Variants in XYLB observed in about 807,000 individuals in gnomAD.
XYLB encodes xylulokinase.
Under a neutral mutation model 78.7 loss-of-function variants are expected in XYLB, and 62 were observed. The observed-to-expected ratio is 0.79, with a 90% CI of 0.64 to 0.97. The LOEUF (loss-of-function observed/expected upper bound fraction) is 0.97, where lower values mean the gene tolerates loss of function less well. Ranked by LOEUF, XYLB falls within the 50% of genes least tolerant of loss-of-function variation. The pLI is 0.00. For synonymous variants in XYLB, 245 were observed against 247.4 expected (o/e 0.99, Z 0.09); for missense variants, 687 against 676.8 (o/e 1.02, Z -0.17).
At chr3:38,418,290 T>C (rs1559627873), downstream of XYLB, among the ~76,000 whole-genome samples, 1 of 152,084 alleles carries the variant, frequency 6.6e-6, no homozygotes, top group Non-Finnish European at 1.5e-5. Context: ...TTAAAATGCT[T>C]ACTGACAAAA....
Position 38,410,065 on chromosome 3 carries a change from C to T in XYLB, c.1534-2871C>T, listed in dbSNP as rs1240899684. ...GTTCATATGGAACCAAAAAAGAGCC[C>T]GCATCGCCAAGTCAATCCTAAGCCA... On this transcript the variant is annotated intron_variant, in intron 18 of 18. Transcript: ENST00000207870. 5.9e-5 allele frequency among the ~76,000 whole-genome samples: 9 copies of T among 152,152 alleles called. No homozygotes were observed. The East Asian group carries it at 9.7e-4, about 16-fold the overall frequency.
intron 10 of XYLB, among the ~76,000 whole-genome samples, chr3:38,373,358 C>G (rs189079080): frequency 4.1e-4 from 62 of 152,182 alleles, no homozygotes; most frequent in Non-Finnish European, 8.8e-4. Context: ...CTTTTTCTAA[C>G]GATCCACCAG....
Position 38,413,140 on chromosome 3 carries a change from G to T in XYLB, c.*127G>T. The T allele has an allele frequency of 1.1e-6, 1 of 909,024 alleles. No homozygotes were observed. Among genetic ancestry groups the T allele is most frequent in the Admixed American group, 3.6e-5 (1 of 27,614 alleles). 56.3% of individuals were successfully genotyped at this position (909,024 alleles called of 1,614,324 possible). A position where few individuals can be genotyped will look rare whatever the true frequency, so the allele number is the denominator to read the frequency against. On this transcript the variant is annotated 3_prime_UTR_variant, in exon 19 of 19. Transcript: ENST00000207870. ...CCTGCCCCTACTGACTCCTTGGAGTGTCCAGGACCATCTTAAAGCCGCCCT... is the reference window on the plus strand; with the variant it reads ...CCTGCCCCTACTGACTCCTTGGAGTTTCCAGGACCATCTTAAAGCCGCCCT...
chr3:38,367,961 G>A (rs1300979408), intron 7 of XYLB, among the ~76,000 whole-genome samples: 1 of 152,094 alleles, frequency 6.6e-6, no homozygotes, highest in East Asian at 1.9e-4. Context: ...CAGTTTTATG[G>A]CCCATCAGAA....
downstream of XYLB, among the ~76,000 whole-genome samples, chr3:38,424,219 A>G (rs1420538546): frequency 6.6e-6 from 1 of 152,208 alleles, no homozygotes; most frequent in Non-Finnish European, 1.5e-5. Context: ...TTGTTGTTCA[A>G]GAGCAAGATC....
intron 12 of XYLB, 44 bp from the exon 13 acceptor site, chr3:38,376,073 G>A (rs766991001): frequency 1.5e-6 from 2 of 1,367,366 alleles, no homozygotes; most frequent in Non-Finnish European, 2.1e-6. Flanking sequence ...GGTCCAGTCA[G>A]CAAGCACCAG....
chr3:38,363,035 T>C lies in XYLB; in HGVS notation c.291+18T>C. On this transcript the variant is annotated intron_variant, in intron 4 of 18. Transcript: ENST00000207870. ...CGGGCCAGGTTCGTTTGCAGCAGAC[T>C]CTGTCTGCCATGTGAGGGTGACTGT... 6.5e-7 allele frequency: 1 copy of C among 1,527,346 alleles called. No individual in the cohort carries two copies. The highest frequency in any genetic ancestry group is 8.8e-7 in the Non-Finnish European group (1 of 1,131,928). 94.6% of individuals were successfully genotyped at this position (1,527,346 alleles called of 1,614,324 possible). A position where few individuals can be genotyped will look rare whatever the true frequency, so the allele number is the denominator to read the frequency against.
chr3:38,436,403 C>G, the XYLB span, among the ~76,000 whole-genome samples: 1 of 152,130 alleles, frequency 6.6e-6, no homozygotes, highest in Non-Finnish European at 1.5e-5. Flanking sequence ...AGACCAATAA[C>G]AAGTAACAAG....
chr3:38,364,776 A>C (rs1706158768), intron 4 of XYLB, among the ~76,000 whole-genome samples: 1 of 152,174 alleles, frequency 6.6e-6, no homozygotes, highest in Non-Finnish European at 1.5e-5. Flanking sequence ...AGTAGCCTGA[A>C]GAATAGGGAT....
intron 16 of XYLB, among the ~76,000 whole-genome samples, chr3:38,396,793 A>G (rs1707887943): frequency 6.6e-6 from 1 of 152,208 alleles, no homozygotes; most frequent in African/African-American, 2.4e-5. Flanking sequence ...TTTGCTAAAC[A>G]TACTTCCTAA....
the XYLB span, among the ~76,000 whole-genome samples, chr3:38,432,167 C>G: frequency 6.6e-6 from 1 of 152,200 alleles, no homozygotes; most frequent in Non-Finnish European, 1.5e-5. Flanking sequence ...TTCCAGCAGT[C>G]CCCGAAAGTC....
downstream of XYLB, among the ~76,000 whole-genome samples, chr3:38,426,312 G>C (rs184105827): frequency 6.6e-6 from 1 of 152,196 alleles, no homozygotes; most frequent in East Asian, 1.9e-4. Context: ...ATAGAATGCA[G>C]TTACAATGTG....
At chr3:38,384,042 T>C (rs1358244125) in intron 15 of XYLB, among the ~76,000 whole-genome samples, 1 of 152,072 alleles carries the variant, frequency 6.6e-6, no homozygotes. Flanking sequence ...TTGTTTTTTT[T>C]GTTTGTTTGT....
At chr3:38,386,587 T>C (rs1707390876) in intron 15 of XYLB, among the ~76,000 whole-genome samples, 1 of 152,164 alleles carries the variant, frequency 6.6e-6, no homozygotes, top group Non-Finnish European at 1.5e-5. Flanking sequence ...AACTGAGCAA[T>C]GTCTAGTATT....
chr3:38,379,480 C>A, intron 15 of XYLB, 138 bp downstream of exon 15: 1 of 779,208 alleles, frequency 1.3e-6, no homozygotes, highest in South Asian at 1.6e-5. Context: ...TGGAGCCTGA[C>A]CTCAGGGATG....
intron 9 of XYLB, 95 bp from the exon 10 acceptor site, chr3:38,372,560 A>C (rs1706624013): frequency 6.3e-7 from 1 of 1,597,702 alleles, no homozygotes; most frequent in African/African-American, 1.3e-5. Flanking sequence ...TGACCTGGAG[A>C]CTGTAGCGTT....
chr3:38,372,078 T>G (rs1390366756), intron 9 of XYLB, among the ~76,000 whole-genome samples: 1 of 152,248 alleles, frequency 6.6e-6, no homozygotes, highest in East Asian at 1.9e-4. Flanking sequence ...ATTTGTCACG[T>G]AGGTGTCACA....
chr3:38,449,269 T>G, the XYLB span, among the ~76,000 whole-genome samples: 3 of 152,116 alleles, frequency 2.0e-5, no homozygotes, highest in Non-Finnish European at 2.9e-5. Flanking sequence ...ACTACAGGTA[T>G]GTGCCACCAT....
chr3:38,376,674 A>G (rs1706873940), intron 13 of XYLB, among the ~76,000 whole-genome samples: 1 of 152,184 alleles, frequency 6.6e-6, no homozygotes, highest in Admixed American at 6.5e-5. Flanking sequence ...GCTGCTTCCT[A>G]TTCCAGGCTG....
Sources: gnomAD v4.1 joint callset for allele counts (sites outside exome capture counted in the v4.1 genomes callset) on GRCh38, gnomAD v4.1.1 for gene constraint, MANE v1.5 for transcripts, NCBI Gene and HGNC (gene_info 2026-07-23, HGNC 2026-07-21) for gene names.